The following ETFA variants were observed in gnomAD, a reference collection of about 807,000 sequenced individuals.
ETFA encodes the protein electron transfer flavoprotein subunit alpha.
Under a neutral mutation model 46.2 loss-of-function variants are expected in ETFA, and 22 were observed. The ratio of observed to expected loss-of-function variants is 0.48; its 90% CI spans 0.34 to 0.68. The LOEUF is 0.68. ETFA is among the 30% of genes least tolerant of loss of function. The pLI, the probability that ETFA is intolerant of heterozygous loss-of-function variation, is 0.01. For synonymous variants in ETFA, 131 were observed against 139.9 expected (o/e 0.94, Z 0.45); for missense variants, 345 against 401.1 (o/e 0.86, Z 1.19).
chr15:76,293,407 C>T (rs947654039), intron 2 of ETFA, among the ~76,000 whole-genome samples: 1 of 152,214 alleles, frequency 6.6e-6, no homozygotes, highest in Non-Finnish European at 1.5e-5. Flanking sequence ...TCTCTAGTAA[C>T]ATCCCATTGT....
intron 4 of ETFA, among the ~76,000 whole-genome samples, chr15:76,291,918 T>C (rs931867325): frequency 7.9e-5 from 12 of 152,132 alleles, no homozygotes; most frequent in Non-Finnish European, 1.6e-4. Flanking sequence ...TTTTTAACTT[T>C]ATGTAGACTG....
intron 8 of ETFA, among the ~76,000 whole-genome samples, chr15:76,277,106 G>A (rs891837631): frequency 2.0e-5 from 3 of 152,192 alleles, no homozygotes; most frequent in South Asian, 2.1e-4. Flanking sequence ...CTATGGTGAC[G>A]TCTTGGTCTT....
At chr15:76,309,843 G>T (rs1157246106) in intron 1 of ETFA, 1 of 152,146 alleles carries the variant, frequency 6.6e-6, no homozygotes, top group African/African-American at 2.4e-5. Flanking sequence ...GTCCTGAGGG[G>T]AAGACAGGAC....
At chr15:76,248,054 T>C (rs2039260368) in intron 9 of ETFA, among the ~76,000 whole-genome samples, 1 of 152,200 alleles carries the variant, frequency 6.6e-6, no homozygotes, top group Non-Finnish European at 1.5e-5. Context: ...CTGTGAAGCT[T>C]AACAAATGAA....
chr15:76,291,546 C>G (rs2039762626), intron 4 of ETFA, among the ~76,000 whole-genome samples: 1 of 150,338 alleles, frequency 6.7e-6, no homozygotes, highest in Admixed American at 6.6e-5. Context: ...GTCAGGAGAT[C>G]AAGACCATCC....
At chr15:76,306,098 A>G (rs371918258) in intron 1 of ETFA, among the ~76,000 whole-genome samples, 1 of 151,884 alleles carries the variant, frequency 6.6e-6, no homozygotes, top group Non-Finnish European at 1.5e-5. Flanking sequence ...ATAGTAAAGT[A>G]CCACAGATGG....
chr15:76,252,897 C>CTTT (rs11303378), intron 9 of ETFA, among the ~76,000 whole-genome samples: 1 of 129,946 alleles, frequency 7.7e-6, no homozygotes, highest in African/African-American at 2.9e-5. Flanking sequence ...ACACAGAGTA[C>CTTT]TTTTTTTTTT....
intron 8 of ETFA, among the ~76,000 whole-genome samples, chr15:76,280,881 C>T (rs1048607243): frequency 2.7e-5 from 4 of 148,632 alleles, no homozygotes; most frequent in African/African-American, 9.9e-5. Context: ...CCTCATGGGT[C>T]GCTTCCTCAC....
At chr15:76,280,697 G>C (rs2039639448) in intron 8 of ETFA, among the ~76,000 whole-genome samples, 1 of 152,120 alleles carries the variant, frequency 6.6e-6, no homozygotes, top group African/African-American at 2.4e-5. Context: ...GGCCCTATGT[G>C]ATCTGGTCTT....
At chr15:76,259,127 G>A in intron 9 of ETFA, 1 of 1,507,940 alleles carries the variant, frequency 6.6e-7, no homozygotes. Flanking sequence ...AACATTCACT[G>A]GGAGTGCCAC....
intron 7 of ETFA, chr15:76,284,663 T>C (rs2039689001): frequency 6.2e-6 from 1 of 160,192 alleles, no homozygotes; most frequent in Non-Finnish European, 1.4e-5. Context: ...GCTAATTTTT[T>C]GTATTTTTAA....
At chr15:76,222,973 C>T (rs1415756582) in intron 11 of ETFA, among the ~76,000 whole-genome samples, 3 of 151,636 alleles carry the variant, frequency 2.0e-5, no homozygotes, top group African/African-American at 7.3e-5. Context: ...TAGCTGGGAC[C>T]ACAGGCACAC....
intron 9 of ETFA, among the ~76,000 whole-genome samples, chr15:76,252,897 CTTTT>C (rs11303378): frequency 4.6e-5 from 6 of 129,930 alleles, no homozygotes; most frequent in African/African-American, 8.6e-5. Flanking sequence ...ACACAGAGTA[CTTTT>C]TTTTTTTTTT....
chr15:76,230,341 C>T (rs1164349493), intron 10 of ETFA: 1 of 67,412 alleles, frequency 1.5e-5, no homozygotes, highest in East Asian at 4.2e-4. Context: ...ATTCTCCTGC[C>T]TCAGCCTCCC....
chr15:76,305,935 T>C (rs1189054518), intron 1 of ETFA, among the ~76,000 whole-genome samples: 1 of 151,692 alleles, frequency 6.6e-6, no homozygotes, highest in East Asian at 1.9e-4. Flanking sequence ...CTCAGGCTGG[T>C]CTCCTGGACT....
chr15:76,242,307 C>T (rs1197349898), intron 9 of ETFA, among the ~76,000 whole-genome samples: 1 of 152,178 alleles, frequency 6.6e-6, no homozygotes, highest in Non-Finnish European at 1.5e-5. Context: ...AGAGCTGCCA[C>T]CCAAACCTAG....
intron 9 of ETFA, chr15:76,260,261 G>C (rs934243770): frequency 2.2e-5 from 26 of 1,186,060 alleles, no homozygotes; most frequent in Non-Finnish European, 2.7e-5. Flanking sequence ...CTTGATTGAA[G>C]GACCGGGCTG....
chr15:76,260,514 C>G, intron 9 of ETFA: 4 of 1,409,320 alleles, frequency 2.8e-6, no homozygotes, highest in Non-Finnish European at 4.0e-6. Flanking sequence ...GCCAACTGCA[C>G]TGGAGACACA....
intron 9 of ETFA, among the ~76,000 whole-genome samples, chr15:76,233,274 G>A (rs954570496): frequency 2.1e-5 from 3 of 145,110 alleles, no homozygotes; most frequent in Non-Finnish European, 3.0e-5. Context: ...TGCATAAGTA[G>A]TAAACTTCTT....
Sources: allele counts gnomAD v4.1 joint callset (sites outside exome capture counted in the v4.1 genomes callset), GRCh38; gene constraint gnomAD v4.1.1; transcripts MANE v1.5; gene names NCBI Gene and HGNC (gene_info 2026-07-23, HGNC 2026-07-21).